MAGI2: variants seen among roughly 807,000 people sequenced by gnomAD.
The protein encoded by MAGI2 is membrane-associated guanylate kinase, WW and PDZ domain-containing protein 2.
A neutral mutation model predicts 133.3 loss-of-function variants in MAGI2; 35 were observed. That is an observed-to-expected ratio of 0.26 (90% CI 0.20 to 0.35). MAGI2 has a LOEUF of 0.35. MAGI2 is among the 10% of genes least tolerant of loss of function. MAGI2 has a pLI of 1.00. For synonymous variants in MAGI2, 729 were observed against 710.6 expected, an observed-to-expected ratio of 1.03 and a Z score of -0.41; for missense variants, 1,636 against 1,863.4, an observed-to-expected ratio of 0.88 and a Z score of 2.25.
chr7:78,053,513 T>C (rs1056792200), intron 21 of MAGI2, among the ~76,000 whole-genome samples: 5 of 152,234 alleles, frequency 3.3e-5, no homozygotes, highest in African/African-American at 7.2e-5. Flanking sequence ...ATGCATATAT[T>C]TGAAGGTCAA....
At chr7:78,952,232 G>A (rs935013453) in intron 2 of MAGI2, among the ~76,000 whole-genome samples, 1 of 152,114 alleles carries the variant, frequency 6.6e-6, no homozygotes, top group African/African-American at 2.4e-5. Flanking sequence ...TGGAACAAAA[G>A]TTTGAGGGTG....
chr7:79,096,666 C>T (rs936234548), intron 1 of MAGI2, among the ~76,000 whole-genome samples: 4 of 152,104 alleles, frequency 2.6e-5, no homozygotes, highest in Non-Finnish European at 4.4e-5. Flanking sequence ...GTGATTCATG[C>T]CTTCCTTAAA....
At chr7:78,917,789 G>C (rs1457852060) in intron 2 of MAGI2, among the ~76,000 whole-genome samples, 2 of 152,032 alleles carry the variant, frequency 1.3e-5, no homozygotes, top group African/African-American at 4.8e-5. Flanking sequence ...TTTCTAAAGG[G>C]TTCACAGAAC....
intron 7 of MAGI2, chr7:78,359,447 C>T (rs1214771601): frequency 6.6e-6 from 1 of 152,088 alleles, no homozygotes; most frequent in East Asian, 1.9e-4. Context: ...AAATTACTTT[C>T]AAAGAAAAAA....
intron 2 of MAGI2, among the ~76,000 whole-genome samples, chr7:78,757,135 C>G (rs185814497): frequency 1.3e-5 from 2 of 152,288 alleles, no homozygotes; most frequent in Admixed American, 6.5e-5. Context: ...ATCTCTCCAC[C>G]TAACTCCTTG....
At chr7:78,241,251 C>T (rs1167279750) in intron 10 of MAGI2, among the ~76,000 whole-genome samples, 1 of 152,058 alleles carries the variant, frequency 6.6e-6, no homozygotes, top group African/African-American at 2.4e-5. Context: ...TATAAAAACT[C>T]GCTACAATTA....
intron 10 of MAGI2, among the ~76,000 whole-genome samples, chr7:78,231,542 A>G (rs1789973489): frequency 6.6e-6 from 1 of 152,236 alleles, no homozygotes; most frequent in Non-Finnish European, 1.5e-5. Flanking sequence ...ATTTCACCAT[A>G]CAAGCACTGT....
At chr7:78,690,565 C>T (rs1816848923) in intron 2 of MAGI2, among the ~76,000 whole-genome samples, 1 of 152,102 alleles carries the variant, frequency 6.6e-6, no homozygotes, top group African/African-American at 2.4e-5. Context: ...GTAATTCTAG[C>T]ACATTGGGTG....
chr7:78,467,530 A>G (rs1487247494), intron 6 of MAGI2, among the ~76,000 whole-genome samples: 1 of 151,996 alleles, frequency 6.6e-6, no homozygotes, highest in Non-Finnish European at 1.5e-5. Context: ...AGATCTAGAA[A>G]GCTCCAACAA....
At chr7:78,766,816 C>A (rs1563477582) in intron 2 of MAGI2, among the ~76,000 whole-genome samples, 1 of 152,042 alleles carries the variant, frequency 6.6e-6, no homozygotes, top group Non-Finnish European at 1.5e-5. Flanking sequence ...GGAAAGCAGG[C>A]TTGTGTGACA....
intron 1 of MAGI2, among the ~76,000 whole-genome samples, chr7:79,322,492 T>C (rs565846525): frequency 1.3e-5 from 2 of 151,888 alleles, no homozygotes; most frequent in Non-Finnish European, 2.9e-5. Context: ...CAAGCAATTG[T>C]CTCATCAGAT....
intron 9 of MAGI2, among the ~76,000 whole-genome samples, chr7:78,329,792 CG>C (rs1305894881): frequency 1.3e-5 from 2 of 152,158 alleles, no homozygotes; most frequent in Admixed American, 6.5e-5. Context: ...GAGCATCCTA[CG>C]GCATACTTAC....
At chr7:79,031,150 C>T (rs904094435) in intron 1 of MAGI2, among the ~76,000 whole-genome samples, 1 of 152,144 alleles carries the variant, frequency 6.6e-6, no homozygotes, top group Non-Finnish European at 1.5e-5. Context: ...ATTACCTTCC[C>T]TTTGCCGGTT....
chr7:78,690,135 T>C (rs373915985), intron 2 of MAGI2, among the ~76,000 whole-genome samples: 1 of 152,214 alleles, frequency 6.6e-6, no homozygotes. Context: ...AATTTGAACA[T>C]ACTACATTTT....
chr7:78,135,968 AT>A (rs1197598014), intron 16 of MAGI2, among the ~76,000 whole-genome samples: 1 of 152,246 alleles, frequency 6.6e-6, no homozygotes, highest in South Asian at 2.1e-4. Flanking sequence ...GGGAAAAAAA[AT>A]AAAAAGAAAC....
At chr7:79,108,839 A>T (rs1818666008) in intron 1 of MAGI2, among the ~76,000 whole-genome samples, 1 of 152,128 alleles carries the variant, frequency 6.6e-6, no homozygotes, top group African/African-American at 2.4e-5. Context: ...TCCTTGCAAT[A>T]GTGAATGAGT....
intron 9 of MAGI2, among the ~76,000 whole-genome samples, chr7:78,318,230 AG>A (rs1787631073): frequency 6.6e-6 from 1 of 152,208 alleles, no homozygotes; most frequent in Non-Finnish European, 1.5e-5. Flanking sequence ...CCTTGAAAAA[AG>A]GTTAGACGAA....
chr7:78,165,007 G>A (rs1314648216), intron 15 of MAGI2, among the ~76,000 whole-genome samples: 1 of 152,180 alleles, frequency 6.6e-6, no homozygotes, highest in Admixed American at 6.5e-5. Context: ...ACTAATGCAA[G>A]GTGAAAGTGT....
At chr7:78,530,271 T>C (rs1797352088) in intron 3 of MAGI2, among the ~76,000 whole-genome samples, 3 of 152,218 alleles carry the variant, frequency 2.0e-5, no homozygotes. Context: ...CTTTGGTCCA[T>C]TGAGCACCTG....
Sources: gnomAD v4.1 joint callset for allele counts (sites outside exome capture counted in the v4.1 genomes callset) on GRCh38, gnomAD v4.1.1 for gene constraint, MANE v1.5 for transcripts, NCBI Gene and HGNC (gene_info 2026-07-23, HGNC 2026-07-21) for gene names.